Variants in UACA observed in about 807,000 individuals in gnomAD.
UACA encodes the protein uveal autoantigen with coiled-coil domains and ankyrin repeats.
UACA carries 112 observed loss-of-function variants against 160.5 expected under a neutral mutation model. That is an observed-to-expected ratio of 0.70 (90% CI 0.60 to 0.82). The LOEUF (loss-of-function observed/expected upper bound fraction) is 0.82. UACA is among the 40% of genes least tolerant of loss of function. The pLI is 0.00. For synonymous variants in UACA, 557 were observed against 568.4 expected (o/e 0.98, Z 0.29); for missense variants, 1,574 against 1,614.6 (o/e 0.97, Z 0.43).
At chr15:70,747,241 G>GTTTTTT (rs549683234) in intron 1 of UACA, among the ~76,000 whole-genome samples, 4 of 119,254 alleles carry the variant, frequency 3.4e-5, no homozygotes, top group African/African-American at 6.5e-5. Flanking sequence ...TGTTTTTTGG[G>GTTTTTT]TTTTTTTTTT....
rs557540404 is a variant in UACA, at chr15:70,716,962, T to C, written c.79-17302A>G. ...CATGGCTGGGCACAGTGGCTTATGC[T>C]TGTAATCCTAGCATTCTGGGAGGCC... is the stretch of plus-strand genomic sequence containing the variant. On this transcript the variant is annotated intron_variant, in intron 1 of 18. Coordinates refer to ENST00000322954, the MANE Select transcript of UACA (RefSeq NM_018003.4). Among the ~76,000 whole-genome samples the C allele has an allele frequency of 1.8e-4, 27 of 152,248 alleles. 1 individual carries two copies. In the South Asian group the frequency reaches 5.6e-3, roughly 32 times the overall value.
chr15:70,698,390 TAA>T (rs1202847313), intron 2 of UACA, among the ~76,000 whole-genome samples: 1 of 152,200 alleles, frequency 6.6e-6, no homozygotes, highest in Non-Finnish European at 1.5e-5. Context: ...TTTTGGATAT[TAA>T]ATTTTCACAA....
At position 70,669,471 on chromosome 15, in the gene UACA, A is replaced by G; in HGVS notation, c.1222-9T>C. ...ATACCTGGGGAAGTACACTGAAAAG[A>G]AAAAAAAAAAGACATCAATCACAAA... On this transcript the variant is annotated splice_polypyrimidine_tract_variant and intron_variant, in intron 15 of 18. Transcript: ENST00000322954. 1.2e-6 allele frequency: 1 copy of G among 809,482 alleles called. No individual in the cohort carries two copies. Among genetic ancestry groups the G allele is most frequent in the Admixed American group, 4.0e-5 (1 of 25,096 alleles). 50.1% of individuals were successfully genotyped at this position (809,482 alleles called of 1,614,324 possible). A position where few individuals can be genotyped will look rare whatever the true frequency, so the allele number is the denominator to read the frequency against.
rs747374334 is a variant in UACA, at chr15:70,691,303, A to G, written c.362T>C (p.Leu121Pro). 8.8e-6 allele frequency: 14 copies of G among 1,598,110 alleles called. No homozygotes were observed. The highest frequency in any genetic ancestry group is 1.2e-5 in the Non-Finnish European group (14 of 1,169,402). The change falls in exon 4 of 19, where the codon CTA becomes CCA. Residue 121 changes from leucine to proline, a missense_variant. Transcript: ENST00000322954. The stretch of plus-strand genomic sequence containing the variant: ...AGTATTAACCACTTCCACTACCTGT[A>G]GAAGTTTTTGTAGGCACAATGCATG... The part of the protein sequence containing the change: ...YGHALCLQKL[L>P]QYNCPTEHAD...
At chr15:70,776,123 G>T in the UACA span, among the ~76,000 whole-genome samples, 1 of 151,984 alleles carries the variant, frequency 6.6e-6, no homozygotes, top group Admixed American at 6.6e-5. Context: ...GCATTCTTTT[G>T]TCACCTCCAA....
At chr15:70,723,791 C>A (rs1481836574) in intron 1 of UACA, among the ~76,000 whole-genome samples, 1 of 152,048 alleles carries the variant, frequency 6.6e-6, no homozygotes, top group Admixed American at 6.6e-5. Flanking sequence ...TGCCACCACA[C>A]CCGGCTAATT....
chr15:70,667,910 A>G lies in UACA; in HGVS notation c.2774T>C (p.Leu925Pro), dbSNP rs1244875719. ...GCTCATCTTTGCCTCGTGCTCTGCC[A>G]GGCTGATGTACTCAGCTTTTATTTG... ...QNQIKAEYIS[L>P]AEHEAKMSSL... The change falls in exon 16 of 19, where the codon CTG becomes CCG. Residue 925 changes from leucine to proline, a missense_variant. Physicochemically the swap from Leu to Pro is moderately conservative, Grantham distance 98. Coordinates refer to ENST00000322954, the MANE Select transcript of UACA (RefSeq NM_018003.4). The G allele has an allele frequency of 6.2e-7, 1 of 1,614,030 alleles. No individual in the cohort carries two copies.
rs148128872 is a variant in UACA at position 70,687,775 on chromosome 15, C to A, written c.470G>T (p.Gly157Val). The change falls in exon 6 of 19, where the codon GGG becomes GTG. Residue 157 changes from glycine to valine, a missense_variant. Physicochemically the swap from Gly to Val is moderately radical, Grantham distance 109. Transcript: ENST00000322954. ...TACATCTTTGGCATTCACAGAGGCC[C>A]CATGGTCACAAAGCAGCTGTATGCT... The part of the protein sequence containing the change: ...PSSIQLLCDH[G>V]ASVNAKDVDG... 6.2e-7 allele frequency: 1 copy of A among 1,613,738 alleles called. No individual in the cohort carries two copies. The highest frequency in any genetic ancestry group is 2.2e-5 in the East Asian group (1 of 44,864).
intron 3 of UACA, among the ~76,000 whole-genome samples, chr15:70,692,941 G>T (rs927097036): frequency 6.0e-4 from 91 of 152,212 alleles, no homozygotes; most frequent in African/African-American, 2.1e-3. Context: ...GTGAGTCCAG[G>T]TCTTTCAGGT....
upstream of UACA, among the ~76,000 whole-genome samples, chr15:70,767,352 G>T (rs1301307207): frequency 6.6e-6 from 1 of 151,946 alleles, no homozygotes; most frequent in African/African-American, 2.4e-5. Context: ...ACTTTGGGAG[G>T]CCAAAGTGGA....
In UACA at chr15:70,655,330, C is replaced by T. The variant is rs189196450; in HGVS notation, c.*1726G>A. ...GCAACCTCCGCCTCCCAGGTTCAAG[C>T]GATTCTCCTGTCTCAGCCTCCCGAG... On this transcript the variant is annotated 3_prime_UTR_variant, in exon 19 of 19. Coordinates refer to ENST00000322954, the MANE Select transcript of UACA (RefSeq NM_018003.4). 1,336 of 152,452 alleles carry T rather than the reference C, an allele frequency of 8.8e-3. 11 individuals carry two copies. Among genetic ancestry groups the T allele is most frequent in the Non-Finnish European group, 0.013 (861 of 68,204 alleles). 9.4% of individuals were successfully genotyped at this position (152,452 alleles called of 1,614,324 possible).
At chr15:70,704,557 C>T (rs1318064817) in intron 1 of UACA, among the ~76,000 whole-genome samples, 1 of 152,196 alleles carries the variant, frequency 6.6e-6, no homozygotes, top group African/African-American at 2.4e-5. Context: ...AGTCTACCTG[C>T]TGTATGTATA....
At chr15:70,761,980 T>A (rs2030786370) in intron 1 of UACA, among the ~76,000 whole-genome samples, 1 of 152,160 alleles carries the variant, frequency 6.6e-6, no homozygotes, top group Non-Finnish European at 1.5e-5. Context: ...ACAACTTGCA[T>A]TACAGAAGTA....
chr15:70,765,552 C>T (rs2030991742), upstream of UACA, among the ~76,000 whole-genome samples: 1 of 152,082 alleles, frequency 6.6e-6, no homozygotes. Context: ...GCTGAGCAAA[C>T]CTTATTTCAT....
intron 1 of UACA, among the ~76,000 whole-genome samples, chr15:70,702,765 T>C (rs1411337916): frequency 6.6e-6 from 1 of 152,234 alleles, no homozygotes; most frequent in Non-Finnish European, 1.5e-5. Flanking sequence ...TCTCTCTGCA[T>C]ACAACCAGGT....
the UACA span, among the ~76,000 whole-genome samples, chr15:70,776,798 T>C: frequency 4.2e-5 from 6 of 143,272 alleles, no homozygotes; most frequent in African/African-American, 1.7e-4. Flanking sequence ...CTGAGTCCCC[T>C]AATTTTTTTT....
chr15:70,666,318 TCA>T (rs1896901675), intron 16 of UACA, among the ~76,000 whole-genome samples: 1 of 152,162 alleles, frequency 6.6e-6, no homozygotes, highest in African/African-American at 2.4e-5. Flanking sequence ...ATTGGAGGGC[TCA>T]GTTTACTACT....
At chr15:70,741,823 T>G (rs11852645) in intron 1 of UACA, among the ~76,000 whole-genome samples, 28,558 of 152,114 alleles carry the variant, frequency 0.19, 4,240 homozygotes, top group African/African-American at 0.41. Context: ...CAGGAGTATC[T>G]TCAATACTAG....
In UACA at chr15:70,682,678, T is replaced by C. The variant is rs1402671824; in HGVS notation, c.822+80A>G. The stretch of plus-strand genomic sequence containing the variant: ...AACGCATTTAAACTCAGAATAGTTA[T>C]GCTAACTATTAACTAGTTTTACTAA... On this transcript the variant is annotated intron_variant, in intron 9 of 18. Coordinates refer to ENST00000322954, the MANE Select transcript of UACA (RefSeq NM_018003.4). 7.5e-6 allele frequency: 6 copies of C among 797,748 alleles called. No homozygotes were observed. In the East Asian group the frequency reaches 9.7e-5, roughly 13 times the overall value. 49.4% of individuals were successfully genotyped at this position (797,748 alleles called of 1,614,324 possible).
Sources: allele counts gnomAD v4.1 joint callset (sites outside exome capture counted in the v4.1 genomes callset), GRCh38; gene constraint gnomAD v4.1.1; transcripts MANE v1.5; gene names NCBI Gene and HGNC (gene_info 2026-07-23, HGNC 2026-07-21).